Variants in ST8SIA2 observed in about 807,000 individuals in gnomAD.
ST8SIA2 encodes the protein ST8 alpha-N-acetyl-neuraminide alpha-2,8-sialyltransferase 2, also known as alpha-2,8-sialyltransferase 8B.
Under a neutral mutation model 37.6 loss-of-function variants are expected in ST8SIA2, and 22 were observed. The observed-to-expected ratio is 0.58, with a 90% CI of 0.42 to 0.83. ST8SIA2 has a LOEUF of 0.83. Ranked by LOEUF, ST8SIA2 falls within the 40% of genes least tolerant of loss-of-function variation. The pLI is 0.00. For missense variants in ST8SIA2, 382 were observed against 484.7 expected (o/e 0.79, Z 1.99); for synonymous variants, 205 against 201.2 (o/e 1.02, Z -0.16).
intron 3 of ST8SIA2, among the ~76,000 whole-genome samples, chr15:92,434,968 A>G (rs2049745931): frequency 6.6e-6 from 1 of 152,240 alleles, no homozygotes; most frequent in Admixed American, 6.5e-5. Flanking sequence ...ATGTTTTCAG[A>G]GCACTGCAGC....
rs1474185112 is a variant in ST8SIA2 at position 92,465,953 on chromosome 15, G to T, written c.*1568G>T. 6.6e-6 allele frequency: 1 copy of T among 152,064 alleles called. No individual in the cohort carries two copies. The allele number at this position is 152,064 out of a possible 1,614,324, so 9.4% of individuals were successfully genotyped here. A position where few individuals can be genotyped will look rare whatever the true frequency, so the allele number is the denominator to read the frequency against. ...CAGTGTTTTAAAACATATTTGAAAG[G>T]TAAGTAAAAAACTACCATCTTGAAG... On this transcript the variant is annotated 3_prime_UTR_variant, in exon 6 of 6. Transcript: ENST00000268164.
intron 5 of ST8SIA2, among the ~76,000 whole-genome samples, chr15:92,449,515 A>G (rs983518300): frequency 4.6e-5 from 7 of 152,140 alleles, no homozygotes; most frequent in African/African-American, 1.2e-4. Context: ...TTTCTTTTGG[A>G]TACTCATCCA....
At chr15:92,415,002 G>T (rs1371952846) in intron 1 of ST8SIA2, among the ~76,000 whole-genome samples, 2 of 152,148 alleles carry the variant, frequency 1.3e-5, no homozygotes, top group East Asian at 3.9e-4. Flanking sequence ...AGAGCCCTGG[G>T]CTCCTAAAAG....
chr15:92,417,846 T>C (rs751041469), intron 1 of ST8SIA2, among the ~76,000 whole-genome samples: 22 of 152,200 alleles, frequency 1.4e-4, no homozygotes, highest in Non-Finnish European at 2.1e-4. Flanking sequence ...GGGTCACGCC[T>C]TATCCTTATA....
intron 2 of ST8SIA2, among the ~76,000 whole-genome samples, 192 bp from the exon 3 acceptor site, chr15:92,434,055 G>A (rs930926524): frequency 6.6e-6 from 1 of 152,112 alleles, no homozygotes; most frequent in Non-Finnish European, 1.5e-5. Flanking sequence ...ATGTATGTAG[G>A]TTATACCTTA....
In ST8SIA2 at chr15:92,464,375, G is replaced by A. The variant is rs766156099; in HGVS notation, c.1118G>A (p.Gly373Glu). 6.2e-6 allele frequency: 10 copies of A among 1,613,394 alleles called. No individual in the cohort carries two copies. The highest frequency in any genetic ancestry group is 6.8e-6 in the Non-Finnish European group (8 of 1,180,024). ...ALKLTVGQCD[G>E]AT ...AAACTGACTGTCGGCCAGTGCGATGGGGCCACGTAGGGTGGGCACCCCATG... is the reference window on the plus strand; with the variant it reads ...AAACTGACTGTCGGCCAGTGCGATGAGGCCACGTAGGGTGGGCACCCCATG... The change falls in exon 6 of 6, where the codon GGG (glycine) becomes GAG (glutamate). Residue 373 changes from glycine to glutamate, a missense_variant. Coordinates refer to ENST00000268164, the MANE Select transcript of ST8SIA2 (RefSeq NM_006011.4).
intron 4 of ST8SIA2, among the ~76,000 whole-genome samples, chr15:92,441,474 C>T (rs1024618622): frequency 6.6e-6 from 1 of 152,068 alleles, no homozygotes; most frequent in Admixed American, 6.5e-5. Flanking sequence ...CAGGAGAGCC[C>T]CACGATCCTG....
intron 5 of ST8SIA2, chr15:92,445,261 A>C (rs1362412355): frequency 2.2e-6 from 1 of 447,106 alleles, no homozygotes; most frequent in Non-Finnish European, 4.1e-6. Context: ...GGCAAGTCAC[A>C]TACCATCCCA....
chr15:92,400,754 C>G (rs1408014384), intron 1 of ST8SIA2, among the ~76,000 whole-genome samples: 2 of 152,152 alleles, frequency 1.3e-5, no homozygotes, highest in African/African-American at 4.8e-5. Context: ...TGAGGCTGCC[C>G]CCTCCTGCCT....
At chr15:92,395,906 C>G (rs2049427232) in intron 1 of ST8SIA2, among the ~76,000 whole-genome samples, 1 of 152,212 alleles carries the variant, frequency 6.6e-6, no homozygotes, top group South Asian at 2.1e-4. Flanking sequence ...TGAATTCTTA[C>G]CAAATACCTT....
chr15:92,455,274 G>A (rs890850345), intron 5 of ST8SIA2, among the ~76,000 whole-genome samples: 5 of 152,062 alleles, frequency 3.3e-5, no homozygotes, highest in Non-Finnish European at 7.4e-5. Context: ...TTTTGGAAGC[G>A]TGCTCCATGA....
chr15:92,400,501 A>T (rs1301365635), intron 1 of ST8SIA2, among the ~76,000 whole-genome samples: 1 of 152,188 alleles, frequency 6.6e-6, no homozygotes, highest in Non-Finnish European at 1.5e-5. Flanking sequence ...CTGTGTATCT[A>T]GCGTGGAGGG....
chr15:92,430,164 A>C, intron 2 of ST8SIA2, 53 bp downstream of exon 2: 1 of 1,552,344 alleles, frequency 6.4e-7, no homozygotes, highest in South Asian at 1.1e-5. Flanking sequence ...GCAGCTATTA[A>C]TCTGCTTCTC....
intron 1 of ST8SIA2, among the ~76,000 whole-genome samples, chr15:92,407,014 GAA>G (rs546566153): frequency 1.4e-5 from 2 of 139,514 alleles, no homozygotes; most frequent in African/African-American, 5.3e-5. Context: ...AAAAAGAAAA[GAA>G]AAAAAAAAAC....
At chr15:92,409,076 CA>C (rs1170650342) in intron 1 of ST8SIA2, among the ~76,000 whole-genome samples, 2 of 152,184 alleles carry the variant, frequency 1.3e-5, no homozygotes, top group East Asian at 3.8e-4. Context: ...GACCAGCCCA[CA>C]GTTTAAGTAA....
At chr15:92,438,261 C>T in intron 3 of ST8SIA2, 92 bp from the exon 4 acceptor site, 1 of 1,586,088 alleles carries the variant, frequency 6.3e-7, no homozygotes, top group Non-Finnish European at 8.7e-7. Context: ...GCTGCAGCCA[C>T]CGTGCAGGGC....
At position 92,413,803 on chromosome 15, in the gene ST8SIA2, C is replaced by G; in HGVS notation, c.99-16246C>G. Reference sequence around the variant, plus strand: ...CAGACAATCCCTTTTCACTCCGGCCCTCTTTCTTGCAGTTTTCTATAAGAA... The same window carrying G: ...CAGACAATCCCTTTTCACTCCGGCCGTCTTTCTTGCAGTTTTCTATAAGAA... On this transcript the variant is annotated intron_variant, in intron 1 of 5. Transcript: ENST00000268164. Among the ~76,000 whole-genome samples, 2 of 152,334 alleles carry G rather than the reference C, an allele frequency of 1.3e-5. 1 individual carries two copies. The highest frequency in any genetic ancestry group is 4.8e-5 in the African/African-American group (2 of 41,578).
chr15:92,411,089 G>C (rs1324611257), intron 1 of ST8SIA2, among the ~76,000 whole-genome samples: 1 of 152,108 alleles, frequency 6.6e-6, no homozygotes, highest in Non-Finnish European at 1.5e-5. Context: ...ATTCTTTGAG[G>C]GTTTCTTTGG....
At chr15:92,448,444 G>A (rs543491772) in intron 5 of ST8SIA2, among the ~76,000 whole-genome samples, 10 of 152,330 alleles carry the variant, frequency 6.6e-5, no homozygotes, top group South Asian at 2.1e-4. Flanking sequence ...AAAGTCACAC[G>A]AGAAAAGACC....
Sources: allele counts gnomAD v4.1 joint callset (sites outside exome capture counted in the v4.1 genomes callset), GRCh38; gene constraint gnomAD v4.1.1; transcripts MANE v1.5; gene names NCBI Gene and HGNC (gene_info 2026-07-23, HGNC 2026-07-21).